Variants in BRINP3 observed in about 807,000 individuals in gnomAD.
BRINP3 encodes BMP/retinoic acid inducible neural specific 3.
Under a neutral mutation model 71.0 loss-of-function variants are expected in BRINP3, and 19 were observed. The ratio of observed to expected loss-of-function variants is 0.27; its 90% confidence interval spans 0.19 to 0.39. The LOEUF is 0.39. Among genes scored for constraint, BRINP3 ranks in the 10% least tolerant of loss-of-function variants. BRINP3 has a pLI of 1.00. For synonymous variants in BRINP3, 380 were observed against 337.7 expected (o/e 1.13, Z -1.37); for missense variants, 959 against 940.8 (o/e 1.02, Z -0.25).
At chr1:190,339,719 T>G (rs1667530771) in intron 2 of BRINP3, among the ~76,000 whole-genome samples, 1 of 151,950 alleles carries the variant, frequency 6.6e-6, no homozygotes, top group African/African-American at 2.4e-5. Flanking sequence ...AAACCCTTTT[T>G]CTAACAATAT....
At chr1:190,129,626 T>G (rs953975358) in intron 7 of BRINP3, among the ~76,000 whole-genome samples, 1 of 151,964 alleles carries the variant, frequency 6.6e-6, no homozygotes, top group Non-Finnish European at 1.5e-5. Flanking sequence ...ATGAGGACTT[T>G]TAAACTGTAG....
intron 7 of BRINP3, among the ~76,000 whole-genome samples, chr1:190,120,748 C>A (rs1183888294): frequency 6.6e-6 from 1 of 151,910 alleles, no homozygotes; most frequent in East Asian, 1.9e-4. Flanking sequence ...CGTGATCCAC[C>A]GCCTCGGCCT....
intron 6 of BRINP3, among the ~76,000 whole-genome samples, chr1:190,221,382 T>C (rs373841244): frequency 6.6e-6 from 1 of 152,172 alleles, no homozygotes; most frequent in Admixed American, 6.6e-5. Flanking sequence ...ACTTACTATA[T>C]CTATAAGATG....
chr1:190,403,759 T>G (rs1672089275), intron 2 of BRINP3, among the ~76,000 whole-genome samples: 1 of 152,242 alleles, frequency 6.6e-6, no homozygotes, highest in African/African-American at 2.4e-5. Context: ...TTCAGAGTTC[T>G]CTTCAAATTC....
At chr1:190,177,770 C>A (rs931767860) in intron 6 of BRINP3, among the ~76,000 whole-genome samples, 1 of 152,136 alleles carries the variant, frequency 6.6e-6, no homozygotes, top group Non-Finnish European at 1.5e-5. Context: ...ATGATGCAAT[C>A]TCAAACAAAT....
At chr1:190,424,097 A>C (rs1673550650) in intron 2 of BRINP3, among the ~76,000 whole-genome samples, 1 of 151,662 alleles carries the variant, frequency 6.6e-6, no homozygotes, top group South Asian at 2.1e-4. Context: ...TCAAAAATAT[A>C]TATAGTCAAA....
At chr1:190,438,588 C>T (rs1674621324) in intron 2 of BRINP3, among the ~76,000 whole-genome samples, 1 of 151,784 alleles carries the variant, frequency 6.6e-6, no homozygotes, top group Non-Finnish European at 1.5e-5. Context: ...ACATAAGCAC[C>T]TTAATATTAA....
chr1:190,362,313 A>T (rs1669201659), intron 2 of BRINP3: 1 of 152,184 alleles, frequency 6.6e-6, no homozygotes, highest in African/African-American at 2.4e-5. Context: ...ATGCTAGGGG[A>T]CCTACAGACA....
chr1:190,461,830 T>C (rs754549213), intron 1 of BRINP3, among the ~76,000 whole-genome samples: 5 of 152,146 alleles, frequency 3.3e-5, no homozygotes, highest in African/African-American at 4.8e-5. Context: ...AGGGAGCAAA[T>C]TGAGTTATGA....
intron 2 of BRINP3, among the ~76,000 whole-genome samples, chr1:190,334,387 A>T (rs1174475734): frequency 2.0e-5 from 3 of 151,748 alleles, no homozygotes; most frequent in Non-Finnish European, 2.9e-5. Flanking sequence ...ATATGTGTGA[A>T]TTTTTTTAAA....
rs564158196 is a variant in BRINP3 at position 190,339,804 on chromosome 1, GT to G, written c.237-58055del. 2.5e-3 allele frequency among the ~76,000 whole-genome samples: 376 copies of G among 152,040 alleles called. 1 individual carries two copies. Among genetic ancestry groups the G allele is most frequent in the African/African-American group, 8.8e-3 (365 of 41,538 alleles). On this transcript the variant is annotated intron_variant, in intron 2 of 7. Transcript: ENST00000367462. Reference sequence around the variant, plus strand: ...CTTCATATCTTATCTTCAAAAGTGAGTTTTTACTTAGCAGAGACACACAGTA... The same window carrying G: ...CTTCATATCTTATCTTCAAAAGTGAGTTTTACTTAGCAGAGACACACAGTA...
chr1:190,295,077 G>T (rs1664149331), intron 2 of BRINP3, among the ~76,000 whole-genome samples: 1 of 152,056 alleles, frequency 6.6e-6, no homozygotes, highest in South Asian at 2.1e-4. Context: ...TGCACCCAAA[G>T]CCTCTTTGAC....
intron 3 of BRINP3, among the ~76,000 whole-genome samples, chr1:190,268,155 C>T (rs1661812774): frequency 6.6e-6 from 1 of 152,070 alleles, no homozygotes; most frequent in South Asian, 2.1e-4. Flanking sequence ...AGCATATTAA[C>T]ACATCCAGAA....
intron 7 of BRINP3, among the ~76,000 whole-genome samples, chr1:190,138,170 T>A (rs1303484223): frequency 6.6e-6 from 1 of 152,112 alleles, no homozygotes; most frequent in African/African-American, 2.4e-5. Context: ...GTCAGTCTGG[T>A]CTTGAACTCC....
chr1:190,406,056 A>C (rs1672259657), intron 2 of BRINP3, among the ~76,000 whole-genome samples: 1 of 152,198 alleles, frequency 6.6e-6, no homozygotes, highest in South Asian at 2.1e-4. Flanking sequence ...CATTAGAAAG[A>C]GTCATGCATT....
chr1:190,287,559 C>T (rs1185586784), intron 2 of BRINP3, among the ~76,000 whole-genome samples: 1 of 151,972 alleles, frequency 6.6e-6, no homozygotes, highest in Non-Finnish European at 1.5e-5. Flanking sequence ...AAAGTCCAAT[C>T]ACAAATACAA....
intron 4 of BRINP3, among the ~76,000 whole-genome samples, chr1:190,247,146 C>T (rs1487715208): frequency 2.0e-5 from 3 of 151,622 alleles, no homozygotes; most frequent in African/African-American, 4.8e-5. Flanking sequence ...TGAAGCAATT[C>T]GGTTACCAAA....
At chr1:190,099,695 G>T (rs188950786) in intron 7 of BRINP3, among the ~76,000 whole-genome samples, 2 of 152,204 alleles carry the variant, frequency 1.3e-5, no homozygotes, top group African/African-American at 2.4e-5. Context: ...AGATGCTAGG[G>T]TTGTCATCAA....
intron 2 of BRINP3, among the ~76,000 whole-genome samples, chr1:190,363,087 T>A (rs1309242146): frequency 6.6e-6 from 1 of 152,108 alleles, no homozygotes; most frequent in East Asian, 1.9e-4. Context: ...GGGAAAAATC[T>A]GGGCCCTGCC....
Sources: gnomAD v4.1 joint callset for allele counts (sites outside exome capture counted in the v4.1 genomes callset) on GRCh38, gnomAD v4.1.1 for gene constraint, MANE v1.5 for transcripts, NCBI Gene and HGNC (gene_info 2026-07-23, HGNC 2026-07-21) for gene names.